COL5A2: variants seen among roughly 807,000 people sequenced by gnomAD.
COL5A2 encodes the protein collagen type V alpha 2 chain, also known as collagen alpha-2(V) chain.
A neutral mutation model predicts 208.2 loss-of-function variants in COL5A2; 23 were observed. The observed-to-expected ratio is 0.11, with a 90% CI of 0.08 to 0.16. COL5A2 has a LOEUF of 0.16. Among genes scored for constraint, COL5A2 ranks in the 10% least tolerant of loss-of-function variants. The pLI is 1.00. For missense variants in COL5A2, 1,590 were observed against 1,956.4 expected (o/e 0.81, Z 3.53); for synonymous variants, 625 against 628.5 (o/e 0.99, Z 0.08).
intron 2 of COL5A2, among the ~76,000 whole-genome samples, chr2:189,106,397 A>G (rs1229155672): frequency 6.6e-6 from 1 of 151,320 alleles, no homozygotes; most frequent in African/African-American, 2.4e-5. Flanking sequence ...TATTTCTTCT[A>G]TGATGTAATT....
intron 1 of COL5A2, among the ~76,000 whole-genome samples, chr2:189,219,878 C>G (rs923418257): frequency 1.3e-5 from 2 of 151,972 alleles, no homozygotes; most frequent in African/African-American, 4.8e-5. Context: ...AGAGTGCCCC[C>G]CCCCCACTCT....
the COL5A2 span, among the ~76,000 whole-genome samples, chr2:189,338,786 T>A: frequency 6.6e-6 from 1 of 151,558 alleles, no homozygotes; most frequent in Non-Finnish European, 1.5e-5. Flanking sequence ...TAAAAGCCGT[T>A]CTTTCATTTA....
At chr2:189,208,297 C>T in intron 1 of COL5A2, among the ~76,000 whole-genome samples, 1 of 152,152 alleles carries the variant, frequency 6.6e-6, no homozygotes, top group East Asian at 1.9e-4. Context: ...GTGCTTTGCA[C>T]AATGTCCATT....
intron 1 of COL5A2, among the ~76,000 whole-genome samples, chr2:189,139,998 A>G (rs1576551325): frequency 6.6e-6 from 1 of 152,112 alleles, no homozygotes; most frequent in Admixed American, 6.5e-5. Flanking sequence ...ACTTGAATCC[A>G]GGAGACAGAG....
the COL5A2 span, among the ~76,000 whole-genome samples, chr2:189,357,148 C>G: frequency 0.013 from 1,908 of 152,248 alleles, 34 homozygotes; most frequent in African/African-American, 0.044. Flanking sequence ...AGCCAGAGCT[C>G]TCCTGTAGGA....
At chr2:189,292,028 T>C in the COL5A2 span, among the ~76,000 whole-genome samples, 1 of 152,164 alleles carries the variant, frequency 6.6e-6, no homozygotes, top group Non-Finnish European at 1.5e-5. Flanking sequence ...CTTTAAGCAA[T>C]GGATAGCTCC....
chr2:189,428,087 G>A, the COL5A2 span, among the ~76,000 whole-genome samples: 3 of 152,132 alleles, frequency 2.0e-5, no homozygotes, highest in Non-Finnish European at 4.4e-5. Flanking sequence ...TTAAGACTTT[G>A]GGCCATTGTT....
chr2:189,050,813 A>AATT, intron 42 of COL5A2, 137 bp from the exon 43 acceptor site: 1 of 692,278 alleles, frequency 1.4e-6, no homozygotes, highest in South Asian at 1.8e-5. Flanking sequence ...ATCATACTGC[A>AATT]TATGAGTAGT....
At chr2:189,125,366 A>T (rs1687587295) in intron 1 of COL5A2, among the ~76,000 whole-genome samples, 2 of 152,184 alleles carry the variant, frequency 1.3e-5, no homozygotes, top group Admixed American at 1.3e-4. Context: ...TAAGGCATAG[A>T]CAAAATTATT....
the COL5A2 span, among the ~76,000 whole-genome samples, chr2:189,335,390 C>A: frequency 1.3e-5 from 2 of 152,016 alleles, no homozygotes; most frequent in Admixed American, 6.6e-5. Context: ...AGTTGGAAAA[C>A]ATTTAAGCAG....
At chr2:189,428,263 G>C in the COL5A2 span, among the ~76,000 whole-genome samples, 1 of 152,114 alleles carries the variant, frequency 6.6e-6, no homozygotes, top group Non-Finnish European at 1.5e-5. Context: ...GGTTTCTCAT[G>C]AATTATTTAG....
Position 189,036,760 on chromosome 2 carries a change from T to G in COL5A2, c.3969A>C (p.Ala1323=), listed in dbSNP as rs1131429. The G allele has an allele frequency of 1.5e-5, 24 of 1,613,578 alleles. No individual in the cohort carries two copies. Among genetic ancestry groups the G allele is most frequent in the Non-Finnish European group, 1.9e-5 (23 of 1,179,718 alleles). The change falls in exon 52 of 54, where the codon GCA becomes GCC. Residue 1323 remains alanine (A), a synonymous_variant. Transcript: ENST00000374866. Reference sequence around the variant, plus strand: ...TTTCCATGTTGCAGTAAACTTTGATTGCATCTTCAACAGATCCTTGGTTAG... The same window carrying G: ...TTTCCATGTTGCAGTAAACTTTGATGGCATCTTCAACAGATCCTTGGTTAG... ...IDPNQGSVED[A]IKVYCNMETG...
At chr2:189,159,114 AC>A (rs974394544) in intron 1 of COL5A2, among the ~76,000 whole-genome samples, 1 of 152,194 alleles carries the variant, frequency 6.6e-6, no homozygotes, top group African/African-American at 2.4e-5. Context: ...AGAAACCTGA[AC>A]AAAGGTATTG....
chr2:189,390,425 T>G, the COL5A2 span, among the ~76,000 whole-genome samples: 1 of 152,278 alleles, frequency 6.6e-6, no homozygotes, highest in African/African-American at 2.4e-5. Context: ...AAAGGTAAAC[T>G]TGACTAGGCA....
At chr2:189,319,894 C>A in the COL5A2 span, among the ~76,000 whole-genome samples, 28 of 152,318 alleles carry the variant, frequency 1.8e-4, 1 homozygote, top group Admixed American at 1.4e-3. Flanking sequence ...CCCCAGGTAG[C>A]CTATCTGGGA....
intron 2 of COL5A2, among the ~76,000 whole-genome samples, chr2:189,107,308 A>G (rs936838561): frequency 1.3e-5 from 2 of 151,556 alleles, no homozygotes; most frequent in African/African-American, 4.8e-5. Context: ...AGTAAATTAC[A>G]TTGTCTTAGA....
intron 1 of COL5A2, among the ~76,000 whole-genome samples, chr2:189,167,391 G>A (rs939963279): frequency 2.6e-5 from 4 of 152,060 alleles, no homozygotes; most frequent in Non-Finnish European, 5.9e-5. Flanking sequence ...AATTCAATTT[G>A]TTGTCATCCT....
chr2:189,176,216 G>T (rs1688675996), intron 1 of COL5A2, among the ~76,000 whole-genome samples: 1 of 152,156 alleles, frequency 6.6e-6, no homozygotes, highest in Admixed American at 6.5e-5. Context: ...ATCAGTGTAG[G>T]ATTGCAACAT....
chr2:189,272,959 G>A, the COL5A2 span, among the ~76,000 whole-genome samples: 2 of 152,226 alleles, frequency 1.3e-5, no homozygotes, highest in South Asian at 4.1e-4. Context: ...CTTAGGAAAT[G>A]ACCGGGTGGT....
Sources: allele counts gnomAD v4.1 joint callset (sites outside exome capture counted in the v4.1 genomes callset), GRCh38; gene constraint gnomAD v4.1.1; transcripts MANE v1.5; gene names NCBI Gene and HGNC (gene_info 2026-07-23, HGNC 2026-07-21).